CALCRL: variants seen among roughly 807,000 people sequenced by gnomAD.
The protein encoded by CALCRL is calcitonin receptor like receptor, also known as calcitonin gene-related peptide type 1 receptor.
A neutral mutation model predicts 60.4 loss-of-function variants in CALCRL; 27 were observed. The observed-to-expected ratio is 0.45, with a 90% CI of 0.33 to 0.62. CALCRL has a LOEUF of 0.62. Among genes scored for constraint, CALCRL ranks in the 20% least tolerant of loss-of-function variants. The pLI is 0.03. For synonymous variants in CALCRL, 190 were observed against 182.6 expected (o/e 1.04, Z -0.33); for missense variants, 424 against 540.7 (o/e 0.78, Z 2.14).
chr2:187,394,168 G>T (rs1688569131), intron 1 of CALCRL, among the ~76,000 whole-genome samples: 1 of 152,062 alleles, frequency 6.6e-6, no homozygotes, highest in African/African-American at 2.4e-5. Context: ...TGCTGACTCT[G>T]CTGTGGAGCC....
rs1254615779 is a variant in CALCRL at position 187,342,809 on chromosome 2, TC to T, written c.*3374del. Among the ~76,000 whole-genome samples the T allele has an allele frequency of 6.6e-5, 10 of 151,772 alleles. No individual in the cohort carries two copies. Among genetic ancestry groups the T allele is most frequent in the African/African-American group, 2.2e-4 (9 of 41,536 alleles). ...TCATATAGTGTGATATTTTGAATTC[TC>T]CTTTGAATTTTTGTAACATCTTACT... On this transcript the variant is annotated 3_prime_UTR_variant, in exon 15 of 15. Coordinates refer to ENST00000392370, the MANE Select transcript of CALCRL (RefSeq NM_005795.6).
At chr2:187,439,798 C>G (rs559386738) in intron 1 of CALCRL, among the ~76,000 whole-genome samples, 1 of 152,020 alleles carries the variant, frequency 6.6e-6, no homozygotes. Context: ...AGAAAATGTG[C>G]GTCTCTTTCT....
chr2:187,353,208 C>A (rs1316252924), intron 12 of CALCRL, among the ~76,000 whole-genome samples: 1 of 151,838 alleles, frequency 6.6e-6, no homozygotes, highest in Non-Finnish European at 1.5e-5. Context: ...ATATCTTTTA[C>A]TTTGGTCCAT....
At position 187,343,353 on chromosome 2, in the gene CALCRL, C is replaced by T. The variant is rs1363853648; in HGVS notation, c.*2831G>A. 2 of 151,676 alleles carry T rather than the reference C, an allele frequency of 1.3e-5. No homozygotes were observed. The highest frequency in any genetic ancestry group is 1.9e-4 in the East Asian group (1 of 5,184). 9.4% of individuals were successfully genotyped at this position (151,676 alleles called of 1,614,324 possible). On this transcript the variant is annotated 3_prime_UTR_variant, in exon 15 of 15. Coordinates refer to ENST00000392370, the MANE Select transcript of CALCRL (RefSeq NM_005795.6). ...TCAAAAAATAGAGATATACTCTAGG[C>T]ATAACATAAATTGTTATAATTGATC...
chr2:187,344,282 C>T lies in CALCRL; in HGVS notation c.*1902G>A, dbSNP rs376841575. 4.0e-5 allele frequency: 6 copies of T among 151,638 alleles called. No individual in the cohort carries two copies. The highest frequency in any genetic ancestry group is 5.9e-5 in the Non-Finnish European group (4 of 67,688). The allele number at this position is 151,638 out of a possible 1,614,324, so 9.4% of individuals were successfully genotyped here. Reference sequence around the variant, plus strand: ...CATGCATAGATAAATTATAAATGTACTGACCAGACCATTCTATATGTTAAT... The same window carrying T: ...CATGCATAGATAAATTATAAATGTATTGACCAGACCATTCTATATGTTAAT... On this transcript the variant is annotated 3_prime_UTR_variant, in exon 15 of 15. Coordinates refer to ENST00000392370, the MANE Select transcript of CALCRL (RefSeq NM_005795.6).
At chr2:187,390,976 C>T (rs555367182) in intron 1 of CALCRL, among the ~76,000 whole-genome samples, 63 of 152,232 alleles carry the variant, frequency 4.1e-4, no homozygotes, top group African/African-American at 1.4e-3. Context: ...CCAGCAGACA[C>T]GTGGTGAGAG....
At chr2:187,357,349 T>C (rs961795048) in intron 12 of CALCRL, among the ~76,000 whole-genome samples, 2 of 152,002 alleles carry the variant, frequency 1.3e-5, no homozygotes, top group Non-Finnish European at 2.9e-5. Flanking sequence ...TCATGTCCTA[T>C]GCAGGGACAT....
chr2:187,349,985 C>T (rs1008967900), intron 14 of CALCRL, among the ~76,000 whole-genome samples: 1 of 151,622 alleles, frequency 6.6e-6, no homozygotes, highest in Non-Finnish European at 1.5e-5. Flanking sequence ...ATTTATTTTT[C>T]TGAGACCTGT....
intron 1 of CALCRL, among the ~76,000 whole-genome samples, chr2:187,437,291 G>A (rs1474178804): frequency 1.3e-5 from 2 of 151,330 alleles, no homozygotes; most frequent in South Asian, 2.1e-4. Context: ...GCCTGTAATC[G>A]CAGCACTTTG....
At chr2:187,395,059 A>G (rs907957100) in intron 1 of CALCRL, among the ~76,000 whole-genome samples, 1 of 152,048 alleles carries the variant, frequency 6.6e-6, no homozygotes, top group African/African-American at 2.4e-5. Context: ...TATTTTCTGT[A>G]TCCCTCTATA....
chr2:187,369,900 TAA>T lies in CALCRL; in HGVS notation c.501-6400_501-6399del, dbSNP rs1309792862. 2.0e-5 allele frequency among the ~76,000 whole-genome samples: 3 copies of T among 152,256 alleles called. No homozygotes were observed. In the East Asian group the frequency reaches 5.8e-4, roughly 29 times the overall value. ...TCCCTGTTTGTCAAAGCCCTGAGCT[TAA>T]AGTTTCTGAGGGGCAAGAACAGGCC... On this transcript the variant is annotated intron_variant, in intron 8 of 14. Coordinates refer to ENST00000392370, the MANE Select transcript of CALCRL (RefSeq NM_005795.6).
intron 3 of CALCRL, 35 bp from the exon 4 acceptor site, chr2:187,385,666 A>T (rs1157136421): frequency 9.6e-7 from 1 of 1,036,896 alleles, no homozygotes; most frequent in Non-Finnish European, 1.4e-6. Flanking sequence ...TAATTCATCA[A>T]TATTTATGAA....
chr2:187,415,520 G>A lies in CALCRL; in HGVS notation c.-292-27764C>T, dbSNP rs137906069. On this transcript the variant is annotated intron_variant, in intron 1 of 14. Transcript: ENST00000392370. ...ATTGAAATGTTATATAAACTTTTGT[G>A]GTATCTAACAATGTTTGGGACAGGA... is the stretch of plus-strand genomic sequence containing the variant. The A allele has an allele frequency of 2.4e-3, 901 of 377,564 alleles. 6 individuals carry two copies. The highest frequency in any genetic ancestry group is 6.6e-3 in the Middle Eastern group (9 of 1,370). The allele number at this position is 377,564 out of a possible 1,614,324, so 23.4% of individuals were successfully genotyped here.
intron 1 of CALCRL, among the ~76,000 whole-genome samples, chr2:187,422,841 C>A (rs1460377373): frequency 6.6e-6 from 1 of 151,878 alleles, no homozygotes; most frequent in East Asian, 1.9e-4. Context: ...TATTCTGTTT[C>A]TTTTAACTTT....
chr2:187,444,866 G>A (rs1247966997), intron 1 of CALCRL, among the ~76,000 whole-genome samples: 1 of 151,368 alleles, frequency 6.6e-6, no homozygotes, highest in East Asian at 1.9e-4. Flanking sequence ...TAATTTACAT[G>A]GTCCATGTGA....
intron 1 of CALCRL, among the ~76,000 whole-genome samples, chr2:187,402,157 T>A (rs1688916410): frequency 6.6e-6 from 1 of 151,644 alleles, no homozygotes; most frequent in Admixed American, 6.6e-5. Flanking sequence ...TAGATATAAC[T>A]CCATCTTAGT....
chr2:187,406,073 G>T (rs1489715955), intron 1 of CALCRL, among the ~76,000 whole-genome samples: 1 of 150,754 alleles, frequency 6.6e-6, no homozygotes, highest in Non-Finnish European at 1.5e-5. Flanking sequence ...CCAGTGTGGG[G>T]CTCTGAAGCA....
chr2:187,400,125 T>C (rs1395587240), intron 1 of CALCRL, among the ~76,000 whole-genome samples: 1 of 151,476 alleles, frequency 6.6e-6, no homozygotes, highest in African/African-American at 2.4e-5. Context: ...ACAATATAAG[T>C]TCGAGGTGAT....
Position 187,360,535 on chromosome 2 carries a change from C to T in CALCRL, c.781+63G>A, listed in dbSNP as rs879076674. On this transcript the variant is annotated intron_variant, in intron 10 of 14. Coordinates refer to ENST00000392370, the MANE Select transcript of CALCRL (RefSeq NM_005795.6). ...TTGGTATATTCATATTACAAAGGAA[C>T]CTGGCATCCTCCAAAGGCTTCTTTA... 287 of 1,384,978 alleles carry T rather than the reference C, an allele frequency of 2.1e-4. 1 individual carries two copies. The highest frequency in any genetic ancestry group is 3.7e-4 in the Admixed American group (16 of 43,274). 85.8% of individuals were successfully genotyped at this position (1,384,978 alleles called of 1,614,324 possible).
Sources: allele counts gnomAD v4.1 joint callset (sites outside exome capture counted in the v4.1 genomes callset), GRCh38; gene constraint gnomAD v4.1.1; transcripts MANE v1.5; gene names NCBI Gene and HGNC (gene_info 2026-07-23, HGNC 2026-07-21).